DYNC2H1: variants seen among roughly 807,000 people sequenced by gnomAD.
DYNC2H1 encodes the protein cytoplasmic dynein 2 heavy chain 1.
DYNC2H1 carries 410 observed loss-of-function variants against 570.0 expected under a neutral mutation model. The ratio of observed to expected loss-of-function variants is 0.72; its 90% CI spans 0.66 to 0.78. The LOEUF is 0.78. DYNC2H1 is among the 30% of genes least tolerant of loss of function. The probability of loss-of-function intolerance (pLI) is 0.00; values close to 1 mark genes in which losing one functional copy is unlikely to be tolerated. For missense variants in DYNC2H1, 4,865 were observed against 5,046.4 expected, an observed-to-expected ratio of 0.96 and a Z score of 1.09; for synonymous variants, 1,688 against 1,677.6, an observed-to-expected ratio of 1.01 and a Z score of -0.15.
In DYNC2H1 at chr11:103,257,689, A is replaced by G. The variant is rs1865116422; in HGVS notation, c.10543A>G (p.Met3515Val). ...IISDLSKINN[M>V]YRFSLAAFLR... ...TTCTGATTTGTCCAAAATTAATAAC[A>G]TGTACCGTTTTAGTTTGGCTGCTTT... is the stretch of plus-strand genomic sequence containing the variant. The change falls in exon 69 of 89, where the codon ATG (methionine) becomes GTG (valine). Residue 3515 changes from methionine to valine, a missense_variant. Met to Val is a conservative substitution (Grantham distance 21, BLOSUM62 1). This residue lies in a region of DYNC2H1 where 2,401 missense variants were observed against 2,454.6 expected (regional missense o/e 0.98). Transcript: ENST00000375735. 1 of 1,612,440 alleles carries G rather than the reference A, an allele frequency of 6.2e-7. No individual in the cohort carries two copies. Among genetic ancestry groups the G allele is most frequent in the Non-Finnish European group, 8.5e-7 (1 of 1,179,082 alleles).
At chr11:103,337,314 G>C (rs1939193218) in intron 82 of DYNC2H1, among the ~76,000 whole-genome samples, 1 of 152,138 alleles carries the variant, frequency 6.6e-6, no homozygotes, top group Non-Finnish European at 1.5e-5. Flanking sequence ...AAGGCTGTGA[G>C]ACCCCCGATT....
intron 17 of DYNC2H1, among the ~76,000 whole-genome samples, chr11:103,142,406 A>C (rs1004008298): frequency 6.6e-6 from 1 of 152,126 alleles, no homozygotes; most frequent in Non-Finnish European, 1.5e-5. Flanking sequence ...GTGGTGGCTC[A>C]TGCCTGTAAT....
At position 103,181,954 on chromosome 11, in the gene DYNC2H1, A is replaced by G; in HGVS notation, c.6477+68A>G. On this transcript the variant is annotated intron_variant, in intron 40 of 88. Transcript: ENST00000375735. This position sits in a 1 kb window ranked among gnomAD's most constrained non-coding sequence, Gnocchi z 5.0. ...TATGATTAAGAGTGATGCTTATTTT[A>G]ACTTCCTTGTGGTAGAACTCTGCTG... 2.6e-6 allele frequency: 4 copies of G among 1,518,044 alleles called. No homozygotes were observed. The highest frequency in any genetic ancestry group is 3.6e-6 in the Non-Finnish European group (4 of 1,122,696). 94.0% of individuals were successfully genotyped at this position (1,518,044 alleles called of 1,614,324 possible).
At chr11:103,310,918 TCTC>T (rs752035500) in intron 78 of DYNC2H1, among the ~76,000 whole-genome samples, 2 of 151,788 alleles carry the variant, frequency 1.3e-5, no homozygotes, top group Non-Finnish European at 2.9e-5. Flanking sequence ...GCCAGGCTGG[TCTC>T]GAACTCCTGA....
In DYNC2H1 at chr11:103,307,852, G is replaced by A. The variant is rs571948642; in HGVS notation, c.11493+21G>A. The A allele has an allele frequency of 2.0e-4, 289 of 1,436,728 alleles. 4 individuals are homozygous for A. In the South Asian group the frequency reaches 2.6e-3, roughly 13 times the overall value. The allele number at this position is 1,436,728 out of a possible 1,614,324, so 89.0% of individuals were successfully genotyped here. ...ATGAGGTAAGAAGATTTAAAACTTG[G>A]ATCACCAGTTGTATGAAAGCAGTAC... On this transcript the variant is annotated intron_variant, in intron 78 of 88. Transcript: ENST00000375735.
chr11:103,415,654 A>G (rs139492648), intron 84 of DYNC2H1, among the ~76,000 whole-genome samples: 1,757 of 152,250 alleles, frequency 0.012, 36 homozygotes, highest in African/African-American at 0.04. Context: ...GAAACAACCA[A>G]TGCTAGAAAG....
At chr11:103,386,548 G>A (rs561783715) in intron 83 of DYNC2H1, among the ~76,000 whole-genome samples, 10 of 151,834 alleles carry the variant, frequency 6.6e-5, no homozygotes, top group East Asian at 1.9e-4. Flanking sequence ...TGTGCACAGC[G>A]TGCAGGTTTG....
intron 85 of DYNC2H1, among the ~76,000 whole-genome samples, chr11:103,448,123 A>AG (rs1301605773): frequency 2.6e-5 from 4 of 152,140 alleles, no homozygotes; most frequent in Admixed American, 2.6e-4. Context: ...CAAGGATTAA[A>AG]GGGGGAAGAA....
At chr11:103,378,963 T>A (rs1043312118) in intron 83 of DYNC2H1, among the ~76,000 whole-genome samples, 11 of 152,262 alleles carry the variant, frequency 7.2e-5, no homozygotes. Context: ...TGTTTTTTTG[T>A]TTGCATCTAT....
chr11:103,393,562 A>G (rs1370340938), intron 83 of DYNC2H1, among the ~76,000 whole-genome samples: 3 of 152,192 alleles, frequency 2.0e-5, no homozygotes, highest in African/African-American at 7.2e-5. Context: ...CAAAATCACA[A>G]TTACTTTTGC....
At chr11:103,345,279 C>G (rs1305444694) in intron 82 of DYNC2H1, among the ~76,000 whole-genome samples, 2 of 140,372 alleles carry the variant, frequency 1.4e-5, no homozygotes, top group Admixed American at 7.5e-5. Context: ...TTGGGTTACT[C>G]CAGTTTTTTT....
rs144889960 is a variant in DYNC2H1, at chr11:103,365,293, G to A, written c.12156+6934G>A. On this transcript the variant is annotated intron_variant, in intron 83 of 88. Coordinates refer to ENST00000375735, the MANE Select transcript of DYNC2H1 (RefSeq NM_001377.3). ...GGAGAAGCACTTGAACCCGGGAGGC[G>A]GAGGTTGCAGTGAGCCAAGATCGCA... Among the ~76,000 whole-genome samples, 750 of 152,080 alleles carry A rather than the reference G, an allele frequency of 4.9e-3. 2 individuals carry two copies. The highest frequency in any genetic ancestry group is 0.017 in the African/African-American group (711 of 41,450).
intron 75 of DYNC2H1, among the ~76,000 whole-genome samples, chr11:103,288,696 A>AAAG (rs1486402447): frequency 1.5e-4 from 22 of 147,608 alleles, no homozygotes; most frequent in Non-Finnish European, 2.9e-4. Flanking sequence ...AAAAAAAAAA[A>AAAG]AAAAAAAAAA....
Position 103,203,582 on chromosome 11 carries a change from T to G in DYNC2H1, c.8198-81T>G. 1.2e-6 allele frequency: 1 copy of G among 863,954 alleles called. No homozygotes were observed. The highest frequency in any genetic ancestry group is 1.7e-6 in the Non-Finnish European group (1 of 575,674). The allele number at this position is 863,954 out of a possible 1,614,324, so 53.5% of individuals were successfully genotyped here. On this transcript the variant is annotated intron_variant, in intron 50 of 88. Coordinates refer to ENST00000375735, the MANE Select transcript of DYNC2H1 (RefSeq NM_001377.3). The surrounding 1 kb of genome is among the most constrained non-coding windows in gnomAD (Gnocchi z 4.7). Reference sequence around the variant, plus strand: ...TATATTTTTGGAAATAAAGATTGAATAAGAGCAGATTTTTAAATACAAAAA... The same window carrying G: ...TATATTTTTGGAAATAAAGATTGAAGAAGAGCAGATTTTTAAATACAAAAA...
At chr11:103,414,106 A>C (rs1245204872) in intron 84 of DYNC2H1, among the ~76,000 whole-genome samples, 1 of 152,218 alleles carries the variant, frequency 6.6e-6, no homozygotes, top group Non-Finnish European at 1.5e-5. Flanking sequence ...AGAGGTATGC[A>C]TAATGAGCCA....
chr11:103,298,205 C>A (rs1866913024), intron 75 of DYNC2H1, among the ~76,000 whole-genome samples: 1 of 151,256 alleles, frequency 6.6e-6, no homozygotes, highest in African/African-American at 2.5e-5. Flanking sequence ...ACGTAATAGT[C>A]TTTTTCTTGT....
At chr11:103,419,577 A>C (rs1943408932) in intron 84 of DYNC2H1, among the ~76,000 whole-genome samples, 1 of 152,088 alleles carries the variant, frequency 6.6e-6, no homozygotes, top group Middle Eastern at 3.2e-3. Flanking sequence ...TAAAAAAAAA[A>C]AAACCACACA....
At chr11:103,253,503 A>G in intron 66 of DYNC2H1, 55 bp downstream of exon 66, 2 of 1,482,606 alleles carry the variant, frequency 1.3e-6, no homozygotes, top group Non-Finnish European at 1.8e-6. Flanking sequence ...TTATATACCT[A>G]TTAGACATTG....
chr11:103,311,350 T>C (rs537595514), intron 78 of DYNC2H1, among the ~76,000 whole-genome samples: 2 of 152,264 alleles, frequency 1.3e-5, no homozygotes, highest in Admixed American at 1.3e-4. Context: ...TAGTCTGATA[T>C]ATAATTTCAC....
Sources: allele counts gnomAD v4.1 joint callset (sites outside exome capture counted in the v4.1 genomes callset), GRCh38; gene constraint gnomAD v4.1.1; regional missense constraint gnomAD v4.1.1; non-coding constraint Gnocchi (gnomAD v3.1); transcripts MANE v1.5; gene names NCBI Gene and HGNC (gene_info 2026-07-23, HGNC 2026-07-21).